TRAPPC8: variants seen among roughly 807,000 people sequenced by gnomAD.
TRAPPC8 encodes general sporulation gene 1 homolog.
A neutral mutation model predicts 174.3 loss-of-function variants in TRAPPC8; 54 were observed. That is an observed-to-expected ratio of 0.31 (90% confidence interval 0.25 to 0.39). The LOEUF (loss-of-function observed/expected upper bound fraction) is 0.39, where lower values mean the gene tolerates loss of function less well. TRAPPC8 is among the 10% of genes least tolerant of loss of function. The pLI, the probability that TRAPPC8 is intolerant of heterozygous loss-of-function variation, is 1.00. For missense variants in TRAPPC8, 1,531 were observed against 1,699.1 expected (o/e 0.90, Z 1.74); for synonymous variants, 630 against 579.9 (o/e 1.09, Z -1.24).
At chr18:31,870,694 A>G (rs1172887225) in intron 15 of TRAPPC8, among the ~76,000 whole-genome samples, 192 bp from the exon 16 acceptor site, 1 of 152,110 alleles carries the variant, frequency 6.6e-6, no homozygotes, top group Non-Finnish European at 1.5e-5. Flanking sequence ...GATTTCCCCA[A>G]TTTCTCTGTA....
intron 4 of TRAPPC8, 142 bp from the exon 5 acceptor site, chr18:31,913,664 T>C: frequency 1.6e-6 from 1 of 642,760 alleles, no homozygotes. Flanking sequence ...AAAGAGGACA[T>C]AAGAATTATC....
rs2032248681 is a variant in TRAPPC8, at chr18:31,829,713, C to G, written c.*1042G>C. 6.6e-6 allele frequency: 1 copy of G among 152,306 alleles called. No homozygotes were observed. Among genetic ancestry groups the G allele is most frequent in the African/African-American group, 2.4e-5 (1 of 41,458 alleles). The allele number at this position is 152,306 out of a possible 1,614,324, so 9.4% of individuals were successfully genotyped here. A position where few individuals can be genotyped will look rare whatever the true frequency, so the allele number is the denominator to read the frequency against. Reference sequence around the variant, plus strand: ...GCTGTCAATGGCACAAGGACCCCATCTGCTCCAGACTTGACTGACCCTGGC... The same window carrying G: ...GCTGTCAATGGCACAAGGACCCCATGTGCTCCAGACTTGACTGACCCTGGC... On this transcript the variant is annotated 3_prime_UTR_variant, in exon 29 of 29. Transcript: ENST00000283351.
At chr18:31,900,709 C>T (rs2145425981) in intron 10 of TRAPPC8, among the ~76,000 whole-genome samples, 1 of 152,308 alleles carries the variant, frequency 6.6e-6, no homozygotes, top group East Asian at 1.9e-4. Context: ...TTCAATGTAA[C>T]ATATAATCTC....
intron 5 of TRAPPC8, among the ~76,000 whole-genome samples, chr18:31,911,695 T>G (rs2036910544): frequency 7.2e-6 from 1 of 138,042 alleles, no homozygotes; most frequent in African/African-American, 2.8e-5. Context: ...GCCGAGATCA[T>G]GCAGTGAGCC....
At position 31,840,305 on chromosome 18, in the gene TRAPPC8, C is replaced by T. The variant is rs529337282; in HGVS notation, c.3838-848G>A. On this transcript the variant is annotated intron_variant, in intron 26 of 28. Coordinates refer to ENST00000283351, the MANE Select transcript of TRAPPC8 (RefSeq NM_014939.5). ...CCAGGAGGCGGAGGTTGTAGTGAGC[C>T]GAGATTGCACCACTGCACTCCAACC... Among the ~76,000 whole-genome samples the T allele has an allele frequency of 4.8e-5, 7 of 147,282 alleles. 1 individual carries two copies. Among genetic ancestry groups the T allele is most frequent in the African/African-American group, 1.5e-4 (6 of 40,282 alleles).
chr18:31,927,382 C>A (rs2037662012), intron 2 of TRAPPC8, among the ~76,000 whole-genome samples: 1 of 152,102 alleles, frequency 6.6e-6, no homozygotes, highest in African/African-American at 2.4e-5. Flanking sequence ...CCTGCCACAG[C>A]CTTCCAAGTA....
In TRAPPC8 at chr18:31,870,943, G is replaced by A. The variant is rs2034826246; in HGVS notation, c.2240C>T (p.Pro747Leu). The change falls in exon 15 of 29, where the codon CCA (proline) becomes CTA (leucine). Residue 747 changes from proline (P) to leucine (L), a missense_variant. Physicochemically the swap from Pro to Leu is moderately conservative, Grantham distance 98 (BLOSUM62 -3). Transcript: ENST00000283351. Reference sequence around the variant, plus strand: ...TATATCACCTTCTACAACTGCAAGTGGAAATCTTGAATTATCTGAGTAACT... The same window carrying A: ...TATATCACCTTCTACAACTGCAAGTAGAAATCTTGAATTATCTGAGTAACT... Reference protein sequence around the residue: ...LNSYSDNSRFPLAVVEEPITV... With the variant: ...LNSYSDNSRFLLAVVEEPITV... The A allele has an allele frequency of 2.6e-6, 4 of 1,564,740 alleles. No homozygotes were observed. In the South Asian group the frequency reaches 3.6e-5, roughly 14 times the overall value.
chr18:31,844,701 G>A (rs1374115698), intron 26 of TRAPPC8: 1 of 147,890 alleles, frequency 6.8e-6, no homozygotes, highest in Non-Finnish European at 1.5e-5. Context: ...TGGTAACAGA[G>A]TGAGACTCTG....
At chr18:31,929,129 C>A (rs2037746276) in intron 2 of TRAPPC8, among the ~76,000 whole-genome samples, 1 of 151,608 alleles carries the variant, frequency 6.6e-6, no homozygotes, top group Non-Finnish European at 1.5e-5. Context: ...TTTCAGTGAG[C>A]CGAGATCATG....
chr18:31,872,792 T>C (rs1168574720), intron 14 of TRAPPC8, among the ~76,000 whole-genome samples: 2 of 152,132 alleles, frequency 1.3e-5, no homozygotes, highest in Non-Finnish European at 2.9e-5. Flanking sequence ...TAAAGTACTT[T>C]ATAAGCACTG....
rs775879597 is a variant in TRAPPC8, at chr18:31,942,669, A to C, written c.96T>G (p.Thr32=). Residue 32 remains threonine, a synonymous_variant, in exon 1 of 29, where the codon ACT becomes ACG. Transcript: ENST00000283351. ...ALCSDEAERL[T]RLNHLSFAEL... ...CCGCGAAGCTGAGGTGATTGAGACG[A>C]GTGAGCCGCTCGGCTTCGTCGCTGC... is the stretch of plus-strand genomic sequence containing the variant. 1 of 1,611,396 alleles carries C rather than the reference A, an allele frequency of 6.2e-7. No individual in the cohort carries two copies. The highest frequency in any genetic ancestry group is 8.5e-7 in the Non-Finnish European group (1 of 1,178,830).
intron 1 of TRAPPC8, among the ~76,000 whole-genome samples, chr18:31,940,561 G>C (rs2038288604): frequency 6.6e-6 from 1 of 152,060 alleles, no homozygotes; most frequent in African/African-American, 2.4e-5. Flanking sequence ...TTGTTTGGTT[G>C]GTTTTGAGAT....
At chr18:31,877,670 C>T (rs972202747) in intron 12 of TRAPPC8, among the ~76,000 whole-genome samples, 2 of 147,756 alleles carry the variant, frequency 1.4e-5, no homozygotes, top group Non-Finnish European at 3.0e-5. Context: ...CGCCTATAAT[C>T]CCAGGCACTT....
At chr18:31,863,985 A>G (rs531366232) in intron 19 of TRAPPC8, among the ~76,000 whole-genome samples, 1 of 149,118 alleles carries the variant, frequency 6.7e-6, no homozygotes, top group East Asian at 1.9e-4. Flanking sequence ...AAAGTATTAT[A>G]GAACATATTA....
chr18:31,892,450 T>C (rs1160766425), intron 11 of TRAPPC8, among the ~76,000 whole-genome samples: 1 of 152,202 alleles, frequency 6.6e-6, no homozygotes, highest in Non-Finnish European at 1.5e-5. Flanking sequence ...TATATAAATG[T>C]ACCCTAAATT....
chr18:31,852,550 T>C (rs370617451), intron 23 of TRAPPC8, 45 bp downstream of exon 23: 11 of 1,613,638 alleles, frequency 6.8e-6, no homozygotes, highest in Non-Finnish European at 9.3e-6. Context: ...TGGCATAAAA[T>C]ATAAAATGAC....
At chr18:31,915,044 C>G (rs1404205926) in intron 4 of TRAPPC8, among the ~76,000 whole-genome samples, 1 of 152,012 alleles carries the variant, frequency 6.6e-6, no homozygotes, top group Non-Finnish European at 1.5e-5. Context: ...CAGAAAAGAA[C>G]AAAGAAAGAG....
At chr18:31,935,764 C>G (rs1275883185) in intron 1 of TRAPPC8, among the ~76,000 whole-genome samples, 5 of 149,810 alleles carry the variant, frequency 3.3e-5, no homozygotes, top group Admixed American at 6.7e-5. Flanking sequence ...GAGACAGAGT[C>G]TCGCTCCGTC....
At position 31,906,479 on chromosome 18, in the gene TRAPPC8, C is replaced by G. The variant is rs573176132; in HGVS notation, c.1389+981G>C. On this transcript the variant is annotated intron_variant, in intron 9 of 28. Coordinates refer to ENST00000283351, the MANE Select transcript of TRAPPC8 (RefSeq NM_014939.5). Reference sequence around the variant, plus strand: ...TGCCAGTTATTAAACAAGTATCTGTCAGCCTGTGAATATTTTCTAGCTAAA... The same window carrying G: ...TGCCAGTTATTAAACAAGTATCTGTGAGCCTGTGAATATTTTCTAGCTAAA... 3.9e-5 allele frequency among the ~76,000 whole-genome samples: 6 copies of G among 152,134 alleles called. No homozygotes were observed. In the South Asian group the frequency reaches 1.2e-3, roughly 32 times the overall value.
Sources: allele counts gnomAD v4.1 joint callset (sites outside exome capture counted in the v4.1 genomes callset), GRCh38; gene constraint gnomAD v4.1.1; transcripts MANE v1.5; gene names NCBI Gene and HGNC (gene_info 2026-07-23, HGNC 2026-07-21).